ROBO2: variants seen among roughly 807,000 people sequenced by gnomAD.
ROBO2 encodes roundabout homolog 2.
A neutral mutation model predicts 160.8 loss-of-function variants in ROBO2; 53 were observed. That is an observed-to-expected ratio of 0.33 (90% CI 0.26 to 0.41). The LOEUF is 0.41. Among genes scored for constraint, ROBO2 ranks in the 10% least tolerant of loss-of-function variants. The pLI, the probability that ROBO2 is intolerant of heterozygous loss-of-function variation, is 1.00. For synonymous variants in ROBO2, 664 were observed against 611.7 expected, an observed-to-expected ratio of 1.09 and a Z score of -1.26; for missense variants, 1,577 against 1,722.4, an observed-to-expected ratio of 0.92 and a Z score of 1.49.
chr3:77,560,305 G>T (rs886702706), intron 9 of ROBO2, among the ~76,000 whole-genome samples: 2 of 151,784 alleles, frequency 1.3e-5, no homozygotes, highest in Admixed American at 1.3e-4. Flanking sequence ...ATTTATTAAG[G>T]GTAAAAGGAC....
chr3:76,548,679 A>C (rs2083251335), intron 2 of ROBO2, among the ~76,000 whole-genome samples: 1 of 151,478 alleles, frequency 6.6e-6, no homozygotes, highest in African/African-American at 2.4e-5. Context: ...AGGAGAAAGC[A>C]ATAAAGTTGA....
intron 2 of ROBO2, among the ~76,000 whole-genome samples, chr3:76,479,747 G>A (rs78197719): frequency 0.053 from 8,062 of 152,264 alleles, 295 homozygotes; most frequent in Middle Eastern, 0.092. Flanking sequence ...ACTACTTGCT[G>A]AGTGATGAAA....
At chr3:75,932,765 C>G (rs1277252048) in intron 1 of ROBO2, among the ~76,000 whole-genome samples, 1 of 152,016 alleles carries the variant, frequency 6.6e-6, no homozygotes, top group East Asian at 1.9e-4. Context: ...AGAGCCTGAA[C>G]CTTGAAGACA....
intron 2 of ROBO2, among the ~76,000 whole-genome samples, chr3:77,199,546 C>T (rs2082620293): frequency 6.6e-6 from 1 of 151,170 alleles, no homozygotes; most frequent in African/African-American, 2.4e-5. Flanking sequence ...ATGTCTTGTT[C>T]TTTAGCTGAT....
chr3:77,160,013 T>G (rs1316544368), intron 2 of ROBO2, among the ~76,000 whole-genome samples: 1 of 152,042 alleles, frequency 6.6e-6, no homozygotes, highest in Admixed American at 6.6e-5. Flanking sequence ...GGAAGTTAGC[T>G]GTAAGAAAAA....
chr3:77,267,744 G>A (rs2059228890), intron 2 of ROBO2, among the ~76,000 whole-genome samples: 1 of 152,084 alleles, frequency 6.6e-6, no homozygotes, highest in South Asian at 2.1e-4. Flanking sequence ...TTTGTGAGGG[G>A]GCTTGACCCT....
At chr3:77,562,753 G>C (rs781568243) in intron 10 of ROBO2, 21 bp downstream of exon 11, 24 of 1,568,226 alleles carry the variant, frequency 1.5e-5, no homozygotes, top group East Asian at 2.2e-5. Flanking sequence ...TGTGAATTAG[G>C]AGAAATCTTG....
intron 2 of ROBO2, among the ~76,000 whole-genome samples, chr3:76,003,343 A>G (rs2065939606): frequency 6.6e-6 from 1 of 152,180 alleles, no homozygotes; most frequent in Non-Finnish European, 1.5e-5. Flanking sequence ...CATAGATTAT[A>G]CCAGCCGGGT....
At chr3:76,335,179 T>TC (rs2073787685) in intron 2 of ROBO2, among the ~76,000 whole-genome samples, 1 of 8,116 alleles carries the variant, frequency 1.2e-4, no homozygotes, top group African/African-American at 2.3e-4. Flanking sequence ...TTCTGTTTTG[T>TC]TTTTTTTTTT....
At chr3:76,385,484 C>G (rs1301788148) in intron 2 of ROBO2, among the ~76,000 whole-genome samples, 1 of 152,102 alleles carries the variant, frequency 6.6e-6, no homozygotes, top group Non-Finnish European at 1.5e-5. Flanking sequence ...CTACCTGACT[C>G]TAGGAAAAGA....
chr3:76,043,421 AG>A (rs1356856665), intron 2 of ROBO2, among the ~76,000 whole-genome samples: 1 of 151,660 alleles, frequency 6.6e-6, no homozygotes, highest in African/African-American at 2.4e-5. Flanking sequence ...AAAGGGAGAA[AG>A]CACAACCCCA....
At chr3:77,191,335 G>T (rs1248761857) in intron 2 of ROBO2, among the ~76,000 whole-genome samples, 1 of 152,048 alleles carries the variant, frequency 6.6e-6, no homozygotes, top group Non-Finnish European at 1.5e-5. Flanking sequence ...TAGTCCAGTA[G>T]AGAGCCATAA....
chr3:77,014,968 A>G (rs1398152768), intron 2 of ROBO2, among the ~76,000 whole-genome samples: 1 of 152,154 alleles, frequency 6.6e-6, no homozygotes, highest in Non-Finnish European at 1.5e-5. Flanking sequence ...AATGAATTCT[A>G]ATGAACTTAG....
chr3:76,758,913 C>A, intron 2 of ROBO2, among the ~76,000 whole-genome samples: 1 of 151,852 alleles, frequency 6.6e-6, no homozygotes, highest in East Asian at 2.0e-4. Flanking sequence ...TAACACTGCC[C>A]ACCTCACATA....
At position 76,601,888 on chromosome 3, in the gene ROBO2, G is replaced by C. The variant is rs533910313; in HGVS notation, c.110-496126G>C. On this transcript the variant is annotated intron_variant, in intron 2 of 26. Transcript: ENST00000487694. ...TGGGTTCAAGTTTTCTGAACTTTTA[G>C]GTTCGGCTTCCTGTATAAATCTAAA... Among the ~76,000 whole-genome samples the C allele has an allele frequency of 5.9e-4, 90 of 152,272 alleles. 2 individuals carry two copies. In the South Asian group the frequency reaches 8.3e-3, roughly 14 times the overall value.
chr3:76,365,371 A>C (rs1465543831), intron 2 of ROBO2, among the ~76,000 whole-genome samples: 1 of 152,078 alleles, frequency 6.6e-6, no homozygotes, highest in African/African-American at 2.4e-5. Flanking sequence ...CTGAGCCTTT[A>C]ATATGGTAAC....
intron 2 of ROBO2, among the ~76,000 whole-genome samples, chr3:77,248,221 C>G (rs2151424942): frequency 6.6e-6 from 1 of 152,278 alleles, no homozygotes; most frequent in South Asian, 2.1e-4. Context: ...CCCCTTTCTG[C>G]TGAGAGCCAC....
intron 6 of ROBO2, among the ~76,000 whole-genome samples, chr3:77,541,470 T>G (rs998756870): frequency 6.6e-6 from 1 of 152,168 alleles, no homozygotes; most frequent in African/African-American, 2.4e-5. Context: ...TTAGCAGAAA[T>G]CAAATCTAAT....
At chr3:77,427,391 A>G (rs1375733075) in intron 2 of ROBO2, among the ~76,000 whole-genome samples, 2 of 152,208 alleles carry the variant, frequency 1.3e-5, no homozygotes, top group Non-Finnish European at 2.9e-5. Flanking sequence ...TGCAATTGCT[A>G]TCTCTATTTT....
Sources: gnomAD v4.1 joint callset for allele counts (sites outside exome capture counted in the v4.1 genomes callset) on GRCh38, gnomAD v4.1.1 for gene constraint, MANE v1.5 for transcripts, NCBI Gene and HGNC (gene_info 2026-07-23, HGNC 2026-07-21) for gene names.